SMG1: variants seen among roughly 807,000 people sequenced by gnomAD.
SMG1 encodes the protein serine/threonine-protein kinase SMG1.
Under a neutral mutation model 419.9 loss-of-function variants are expected in SMG1, and 22 were observed. The ratio of observed to expected loss-of-function variants is 0.05; its 90% CI spans 0.04 to 0.07. SMG1 has a LOEUF of 0.07. Ranked by LOEUF, SMG1 falls within the 10% of genes least tolerant of loss-of-function variation. SMG1 has a pLI of 1.00. For synonymous variants in SMG1, 1,538 were observed against 1,553.5 expected (o/e 0.99, Z 0.23); for missense variants, 3,185 against 4,342.0 (o/e 0.73, Z 7.49).
At position 18,838,481 on chromosome 16, in the gene SMG1, T is replaced by C; in HGVS notation, c.7085-15A>G. ...AAGGCTTTTACCTTGAAAAGACAAATCATTATATTTTTGCCCTTTCACCAA... is the reference window on the plus strand; with the variant it reads ...AAGGCTTTTACCTTGAAAAGACAAACCATTATATTTTTGCCCTTTCACCAA... On this transcript the variant is annotated splice_polypyrimidine_tract_variant and intron_variant, in intron 43 of 62. Transcript: ENST00000446231. The C allele has an allele frequency of 6.2e-7, 1 of 1,613,964 alleles. No homozygotes were observed. The highest frequency in any genetic ancestry group is 8.5e-7 in the Non-Finnish European group (1 of 1,179,854).
At chr16:18,907,505 A>T (rs1438801637) in intron 1 of SMG1, among the ~76,000 whole-genome samples, 2 of 152,026 alleles carry the variant, frequency 1.3e-5, no homozygotes, top group African/African-American at 4.8e-5. Context: ...ACAGGTATGG[A>T]GTGGCTCTCT....
intron 23 of SMG1, 97 bp from the exon 24 acceptor site, chr16:18,864,241 G>T: frequency 8.9e-7 from 1 of 1,121,040 alleles, no homozygotes; most frequent in South Asian, 1.8e-5. Flanking sequence ...TCTTGCCCAG[G>T]CTGGAGTGCA....
intron 31 of SMG1, among the ~76,000 whole-genome samples, 165 bp from the exon 32 acceptor site, chr16:18,852,627 T>C (rs1301070540): frequency 6.6e-6 from 1 of 152,266 alleles, no homozygotes; most frequent in East Asian, 1.9e-4. Flanking sequence ...ATATGAATTA[T>C]GTTCTCTAAA....
intron 33 of SMG1, among the ~76,000 whole-genome samples, 167 bp from the exon 34 acceptor site, chr16:18,850,634 T>C (rs1307015330): frequency 6.6e-6 from 1 of 152,260 alleles, no homozygotes; most frequent in Non-Finnish European, 1.5e-5. Context: ...CTCTTTATGA[T>C]ATATTTACTA....
Position 18,841,580 on chromosome 16 carries a change from G to A in SMG1, c.6681C>T (p.Ala2227=). ...TTTAATCAACCTTTTGTGCTTGTAA[G>A]GCAGCTTCCCGTTGTTGCCATCGTT... ...LYKRWQQREA[A]LQAQKAQDSY... The change falls in exon 41 of 63, where the codon GCC becomes GCT. Residue 2227 remains alanine (A), a synonymous_variant. Coordinates refer to ENST00000446231, the MANE Select transcript of SMG1 (RefSeq NM_015092.5). 1.2e-6 allele frequency: 2 copies of A among 1,613,784 alleles called. No individual in the cohort carries two copies. Among genetic ancestry groups the A allele is most frequent in the Non-Finnish European group, 1.7e-6 (2 of 1,179,820 alleles).
chr16:18,876,450 T>C (rs1365100506), intron 12 of SMG1, 57 bp from the exon 13 acceptor site: 3 of 1,506,658 alleles, frequency 2.0e-6, no homozygotes, highest in Middle Eastern at 2.4e-4. Context: ...TCTAAAATTA[T>C]ATGGAAAATA....
chr16:18,918,577 C>T (rs2038067671), intron 1 of SMG1, among the ~76,000 whole-genome samples: 1 of 152,180 alleles, frequency 6.6e-6, no homozygotes, highest in Admixed American at 6.5e-5. Flanking sequence ...TTGAGACAGT[C>T]TCACTCTGTC....
intron 1 of SMG1, among the ~76,000 whole-genome samples, chr16:18,899,146 A>G (rs1207612520): frequency 6.6e-6 from 1 of 152,342 alleles, no homozygotes; most frequent in East Asian, 1.9e-4. Context: ...AATATAATCA[A>G]GACAAGTTTT....
Position 18,837,412 on chromosome 16 carries a change from A to C in SMG1, c.7445T>G (p.Leu2482Arg). The C allele has an allele frequency of 6.2e-7, 1 of 1,613,976 alleles. No individual in the cohort carries two copies. Among genetic ancestry groups the C allele is most frequent in the Non-Finnish European group, 8.5e-7 (1 of 1,179,862 alleles). ...VNWFKNRDEM[L>R]VVLPKLDGSL... is the part of the protein sequence containing the mutation. ...ACCGTCCAACTTGGGAAGCACAACCAGCATCTCATCTCTATTCTTAAACCA... is the reference window on the plus strand; with the variant it reads ...ACCGTCCAACTTGGGAAGCACAACCCGCATCTCATCTCTATTCTTAAACCA... Residue 2482 changes from leucine to arginine, a missense_variant, in exon 46 of 63, where the codon CTG (leucine) becomes CGG (arginine). Physicochemically the swap from Leu to Arg is moderately radical, Grantham distance 102. Transcript: ENST00000446231.
intron 31 of SMG1, among the ~76,000 whole-genome samples, chr16:18,853,349 C>T (rs2034705011): frequency 6.6e-6 from 1 of 152,070 alleles, no homozygotes; most frequent in Admixed American, 6.5e-5. Flanking sequence ...ATCTTATTGC[C>T]AGCAAAAACA....
chr16:18,906,249 C>G (rs1353630191), intron 1 of SMG1, among the ~76,000 whole-genome samples: 1 of 152,050 alleles, frequency 6.6e-6, no homozygotes, highest in East Asian at 1.9e-4. Flanking sequence ...TTTAGGAGGC[C>G]AAGGCGGTGG....
chr16:18,899,495 T>C (rs186277404), intron 1 of SMG1, among the ~76,000 whole-genome samples: 8 of 152,194 alleles, frequency 5.3e-5, no homozygotes, highest in Admixed American at 3.3e-4. Flanking sequence ...GTTGTAAGCA[T>C]TCTGAACCTA....
At chr16:18,891,530 G>T (rs966908941) in intron 4 of SMG1, among the ~76,000 whole-genome samples, 11 of 151,858 alleles carry the variant, frequency 7.2e-5, no homozygotes, top group African/African-American at 2.7e-4. Context: ...CCGTTTCCTG[G>T]GTTCAAGCGA....
rs1179048080 is a variant in SMG1, at chr16:18,809,199, A to G, written c.*370T>C. Reference sequence around the variant, plus strand: ...GGTTTGTTTTTTTCCTGGATTGTACACACAGGGTCAGGTGGAATGGAGTTC... The same window carrying G: ...GGTTTGTTTTTTTCCTGGATTGTACGCACAGGGTCAGGTGGAATGGAGTTC... On this transcript the variant is annotated 3_prime_UTR_variant, in exon 63 of 63. Coordinates refer to ENST00000446231, the MANE Select transcript of SMG1 (RefSeq NM_015092.5). 2 of 201,642 alleles carry G rather than the reference A, an allele frequency of 9.9e-6. No homozygotes were observed. Among genetic ancestry groups the G allele is most frequent in the Admixed American group, 5.5e-5 (1 of 18,264 alleles). The allele number at this position is 201,642 out of a possible 1,614,324, so 12.5% of individuals were successfully genotyped here. A position where few individuals can be genotyped will look rare whatever the true frequency, so the allele number is the denominator to read the frequency against.
Position 18,829,970 on chromosome 16 carries a change from T to C in SMG1, c.9089A>G (p.Lys3030Arg). ...IFFLKRLQTIKEFFRLCGTFS... is the reference protein window; with the variant it reads ...IFFLKRLQTIREFFRLCGTFS... ...GGTACCACAGAGCCTGAAGAACTCC[T>C]TAATAGTCTGTAGTCTTTTTAGAAA... The change falls in exon 53 of 63, where the codon AAG (lysine) becomes AGG (arginine). Residue 3030 changes from lysine (K) to arginine (R), a missense_variant. Lys to Arg is a conservative substitution (Grantham distance 26). Transcript: ENST00000446231. The C allele has an allele frequency of 6.3e-7, 1 of 1,584,988 alleles. No individual in the cohort carries two copies. The highest frequency in any genetic ancestry group is 8.6e-7 in the Non-Finnish European group (1 of 1,166,732).
chr16:18,908,155 CAGG>C (rs935362381), intron 1 of SMG1, among the ~76,000 whole-genome samples: 3 of 151,926 alleles, frequency 2.0e-5, no homozygotes, highest in African/African-American at 7.3e-5. Flanking sequence ...TACCTGAGTT[CAGG>C]AGTTCAAGAT....
At chr16:18,815,694 T>G (rs1393970274) in intron 58 of SMG1, 43 bp from the exon 59 acceptor site, 1 of 1,541,556 alleles carries the variant, frequency 6.5e-7, no homozygotes. Context: ...AGTTTTAGTA[T>G]CAGTAATTAC....
In SMG1 at chr16:18,896,954, G is replaced by C. The variant is rs763867652; in HGVS notation, c.95C>G (p.Thr32Ser). The C allele has an allele frequency of 1.6e-5, 24 of 1,541,938 alleles. No homozygotes were observed. The South Asian group carries it at 2.4e-4, about 15-fold the overall frequency. Reference protein sequence around the residue: ...PRSWNDWQPRTDSASADPDNL... With the variant: ...PRSWNDWQPRSDSASADPDNL... ...ATCTGGGTCGGCTGATGCACTATCAGTTCTATAAAAAGAGAAAAGTTTAAG... is the reference window on the plus strand; with the variant it reads ...ATCTGGGTCGGCTGATGCACTATCACTTCTATAAAAAGAGAAAAGTTTAAG... Residue 32 changes from threonine (T) to serine (S), a missense_variant and splice_region_variant, in exon 2 of 63, where the codon ACT (threonine) becomes AGT (serine). Thr to Ser is a moderately conservative substitution (Grantham distance 58). Coordinates refer to ENST00000446231, the MANE Select transcript of SMG1 (RefSeq NM_015092.5).
At chr16:18,887,392 T>C (rs2036656168) in intron 6 of SMG1, among the ~76,000 whole-genome samples, 1 of 151,806 alleles carries the variant, frequency 6.6e-6, no homozygotes, top group African/African-American at 2.4e-5. Context: ...TATAATGGAG[T>C]GCAGTAGCTT....
Sources: gnomAD v4.1 joint callset for allele counts (sites outside exome capture counted in the v4.1 genomes callset) on GRCh38, gnomAD v4.1.1 for gene constraint, MANE v1.5 for transcripts, NCBI Gene and HGNC (gene_info 2026-07-23, HGNC 2026-07-21) for gene names.